Variants in RBFOX1 observed in about 807,000 individuals in gnomAD.
RBFOX1 encodes the protein RNA binding fox-1 homolog 1, also known as RNA binding protein fox-1 homolog 1.
A neutral mutation model predicts 57.7 loss-of-function variants in RBFOX1; 8 were observed. The ratio of observed to expected loss-of-function variants is 0.14; its 90% CI spans 0.08 to 0.25. The LOEUF (loss-of-function observed/expected upper bound fraction) is 0.25, where lower values mean the gene tolerates loss of function less well. Among genes scored for constraint, RBFOX1 ranks in the 10% least tolerant of loss-of-function variants. The pLI is 1.00. For synonymous variants in RBFOX1, 326 were observed against 222.4 expected (o/e 1.47, Z -4.15); for missense variants, 611 against 548.5 (o/e 1.11, Z -1.14).
At chr16:6,071,248 G>A (rs1464710845) in intron 1 of RBFOX1, among the ~76,000 whole-genome samples, 2 of 152,174 alleles carry the variant, frequency 1.3e-5, no homozygotes, top group Admixed American at 1.3e-4. Flanking sequence ...TTGAGCCCAG[G>A]AGGTTGAGGC....
At chr16:6,872,070 C>T (rs1027667087) in intron 3 of RBFOX1, among the ~76,000 whole-genome samples, 2 of 151,838 alleles carry the variant, frequency 1.3e-5, no homozygotes, top group South Asian at 2.1e-4. Context: ...CAGTTACATA[C>T]CCTTCTTTGT....
At chr16:7,110,243 C>G (rs894647177) in intron 4 of RBFOX1, among the ~76,000 whole-genome samples, 7 of 151,512 alleles carry the variant, frequency 4.6e-5, no homozygotes, top group Admixed American at 2.0e-4. Context: ...TCGTGTAGTC[C>G]CAGCTTCTCG....
intron 2 of RBFOX1, among the ~76,000 whole-genome samples, chr16:6,432,067 A>T (rs7188852): frequency 0.35 from 52,854 of 151,508 alleles, 10,777 homozygotes; most frequent in African/African-American, 0.56. Flanking sequence ...GTTCAACGGA[A>T]CCTCCTGCCA....
At chr16:6,259,731 A>C (rs1316082447) in intron 1 of RBFOX1, among the ~76,000 whole-genome samples, 2 of 152,060 alleles carry the variant, frequency 1.3e-5, no homozygotes, top group African/African-American at 4.8e-5. Flanking sequence ...GCCAAGGCGG[A>C]TGGATCACCT....
intron 1 of RBFOX1, among the ~76,000 whole-genome samples, chr16:6,142,222 C>T (rs1005781168): frequency 4.1e-4 from 48 of 116,400 alleles, no homozygotes; most frequent in African/African-American, 1.6e-3. Context: ...AAAAATCCAA[C>T]TCTTTTTTTT....
chr16:6,708,941 G>C (rs141016258), intron 3 of RBFOX1, among the ~76,000 whole-genome samples: 1 of 151,656 alleles, frequency 6.6e-6, no homozygotes, highest in African/African-American at 2.4e-5. Context: ...ACATCATAGT[G>C]GCCTAGTAGC....
At chr16:7,538,276 T>G (rs949351350) in intron 5 of RBFOX1, among the ~76,000 whole-genome samples, 1 of 152,150 alleles carries the variant, frequency 6.6e-6, no homozygotes, top group African/African-American at 2.4e-5. Flanking sequence ...AGATCCTTAT[T>G]TAAAGCCTCC....
chr16:7,610,436 T>C (rs1191676748), intron 10 of RBFOX1, among the ~76,000 whole-genome samples: 1 of 152,036 alleles, frequency 6.6e-6, no homozygotes, highest in East Asian at 1.9e-4. Context: ...CCTATGATCA[T>C]GCTACTGCTC....
chr16:6,785,329 T>C (rs2081760972), intron 3 of RBFOX1, among the ~76,000 whole-genome samples: 1 of 152,186 alleles, frequency 6.6e-6, no homozygotes, highest in Non-Finnish European at 1.5e-5. Context: ...CAGACATCTC[T>C]GTGGTTCAGC....
At chr16:7,152,440 A>T (rs1043864240) in intron 4 of RBFOX1, among the ~76,000 whole-genome samples, 37 of 152,208 alleles carry the variant, frequency 2.4e-4, no homozygotes, top group African/African-American at 8.4e-4. Context: ...ATCAATTGTT[A>T]ATGGTTATCA....
At chr16:5,998,008 A>C (rs1005395351) in intron 4 of RBFOX1, among the ~76,000 whole-genome samples, 4 of 152,214 alleles carry the variant, frequency 2.6e-5, no homozygotes, top group Admixed American at 2.6e-4. Context: ...AGGATTTACC[A>C]CTTCAGTTGG....
chr16:7,193,323 C>G (rs762283020), intron 4 of RBFOX1, among the ~76,000 whole-genome samples: 14 of 152,288 alleles, frequency 9.2e-5, no homozygotes, highest in South Asian at 2.1e-4. Context: ...CTAGAAAAGG[C>G]AAGAACTCAG....
At chr16:5,307,939 G>C (rs2063981241) in intron 1 of RBFOX1, among the ~76,000 whole-genome samples, 2 of 152,164 alleles carry the variant, frequency 1.3e-5, no homozygotes. Flanking sequence ...TGGCCTCCCA[G>C]AGTGCTGAAA....
In RBFOX1 at chr16:6,712,810, C is replaced by G. The variant is rs146174399; in HGVS notation, c.-16+58160C>G. Among the ~76,000 whole-genome samples the G allele has an allele frequency of 1.6e-3, 245 of 150,104 alleles. 3 individuals are homozygous for G. Among genetic ancestry groups the G allele is most frequent in the South Asian group, 0.011 (51 of 4,736 alleles). ...GGCTGTGTCCCCACCCAAATTTCATCTTGAATTGTAGCTCTCATCACCCTC... is the reference window on the plus strand; with the variant it reads ...GGCTGTGTCCCCACCCAAATTTCATGTTGAATTGTAGCTCTCATCACCCTC... On this transcript the variant is annotated intron_variant, in intron 3 of 15. Transcript: ENST00000550418.
intron 3 of RBFOX1, among the ~76,000 whole-genome samples, chr16:6,977,812 C>G (rs1443006585): frequency 6.6e-6 from 1 of 151,730 alleles, no homozygotes; most frequent in Non-Finnish European, 1.5e-5. Context: ...GGATTGCAGG[C>G]ACCTTTGGCT....
At chr16:7,631,934 A>G (rs72774999) in intron 11 of RBFOX1, among the ~76,000 whole-genome samples, 14,973 of 152,040 alleles carry the variant, frequency 0.098, 929 homozygotes, top group South Asian at 0.3. Context: ...TTTTGAGACA[A>G]AGTCTCACTC....
intron 2 of RBFOX1, among the ~76,000 whole-genome samples, chr16:6,621,856 G>A (rs2098237405): frequency 2.0e-5 from 3 of 152,104 alleles, no homozygotes; most frequent in Non-Finnish European, 4.4e-5. Flanking sequence ...AGAGACGCTT[G>A]ACGAACAAGG....
chr16:7,051,128 A>G (rs976332198), intron 3 of RBFOX1, among the ~76,000 whole-genome samples: 1 of 152,190 alleles, frequency 6.6e-6, no homozygotes, highest in African/African-American at 2.4e-5. Context: ...ACTGGTTAAA[A>G]AAAAATACTG....
chr16:7,305,810 A>G (rs996499371), intron 4 of RBFOX1, among the ~76,000 whole-genome samples: 3 of 152,152 alleles, frequency 2.0e-5, no homozygotes, highest in South Asian at 4.1e-4. Context: ...TTTAAATATT[A>G]TTTTATTACG....
Sources: allele counts gnomAD v4.1 joint callset (sites outside exome capture counted in the v4.1 genomes callset), GRCh38; gene constraint gnomAD v4.1.1; transcripts MANE v1.5; gene names NCBI Gene and HGNC (gene_info 2026-07-23, HGNC 2026-07-21).